The following TENM4 variants were observed in gnomAD, a reference collection of about 807,000 sequenced individuals.
TENM4 encodes the protein teneurin-4.
Under a neutral mutation model 243.3 loss-of-function variants are expected in TENM4, and 82 were observed. The observed-to-expected ratio is 0.34, with a 90% CI of 0.28 to 0.40. TENM4 has a LOEUF of 0.40. Ranked by LOEUF, TENM4 falls within the 10% of genes least tolerant of loss-of-function variation. TENM4 has a pLI of 1.00. For synonymous variants in TENM4, 1,412 were observed against 1,456.3 expected, an observed-to-expected ratio of 0.97 and a Z score of 0.69; for missense variants, 3,138 against 3,673.3, an observed-to-expected ratio of 0.85 and a Z score of 3.77.
intron 19 of TENM4, among the ~76,000 whole-genome samples, chr11:78,743,264 G>A (rs1855973083): frequency 6.6e-6 from 1 of 152,106 alleles, no homozygotes; most frequent in South Asian, 2.1e-4. Flanking sequence ...GAGTGCTGTT[G>A]CTCTGCCAGG....
At chr11:78,880,424 T>C (rs985758936) in intron 9 of TENM4, among the ~76,000 whole-genome samples, 3 of 133,028 alleles carry the variant, frequency 2.3e-5, no homozygotes, top group Non-Finnish European at 4.6e-5. Context: ...CATCCCCCTC[T>C]CTGAGAAACA....
chr11:78,812,689 C>T (rs1028234789), intron 13 of TENM4, among the ~76,000 whole-genome samples: 1 of 152,102 alleles, frequency 6.6e-6, no homozygotes, highest in South Asian at 2.1e-4. Flanking sequence ...CCTCCTCCAG[C>T]GCTCTCCTCT....
chr11:79,015,564 T>A (rs1430300171), intron 6 of TENM4, among the ~76,000 whole-genome samples: 1 of 151,654 alleles, frequency 6.6e-6, no homozygotes, highest in East Asian at 1.9e-4. Flanking sequence ...CAAAACCTAT[T>A]CAATTAAAAC....
At chr11:79,227,776 G>A (rs1179775185) in intron 2 of TENM4, among the ~76,000 whole-genome samples, 1 of 152,212 alleles carries the variant, frequency 6.6e-6, no homozygotes, top group Non-Finnish European at 1.5e-5. Flanking sequence ...TGACACTTCA[G>A]AAAGCTTGGT....
intron 4 of TENM4, among the ~76,000 whole-genome samples, chr11:79,138,418 T>TA (rs1862161787): frequency 8.7e-6 from 1 of 115,200 alleles, no homozygotes. Flanking sequence ...AAAATATATA[T>TA]TATATTATAT....
At chr11:79,341,523 A>G (rs1371744272) in intron 1 of TENM4, among the ~76,000 whole-genome samples, 1 of 152,256 alleles carries the variant, frequency 6.6e-6, no homozygotes, top group African/African-American at 2.4e-5. Flanking sequence ...AAAGTCATAC[A>G]GGTCATGAAC....
intron 4 of TENM4, among the ~76,000 whole-genome samples, chr11:79,137,463 A>T (rs1862131674): frequency 6.6e-6 from 1 of 152,138 alleles, no homozygotes; most frequent in Non-Finnish European, 1.5e-5. Context: ...CAGACCCCTC[A>T]GGAATGAAGG....
chr11:78,878,311 G>A (rs887871107), intron 9 of TENM4, among the ~76,000 whole-genome samples: 26 of 152,252 alleles, frequency 1.7e-4, no homozygotes, highest in African/African-American at 5.3e-4. Flanking sequence ...TAAGTATGAC[G>A]GAAATTTTTT....
At chr11:79,274,698 T>C (rs1394407325) in intron 2 of TENM4, among the ~76,000 whole-genome samples, 1 of 152,114 alleles carries the variant, frequency 6.6e-6, no homozygotes, top group African/African-American at 2.4e-5. Context: ...GAGTCTGTTA[T>C]AAATTGGGGG....
chr11:79,313,794 G>A (rs1385617969), intron 1 of TENM4, among the ~76,000 whole-genome samples: 1 of 152,078 alleles, frequency 6.6e-6, no homozygotes, highest in Non-Finnish European at 1.5e-5. Context: ...GCCCTGCCTC[G>A]GACTCATCTC....
chr11:78,812,849 C>T (rs1463154514), intron 13 of TENM4, among the ~76,000 whole-genome samples: 2 of 152,212 alleles, frequency 1.3e-5, no homozygotes, highest in African/African-American at 4.8e-5. Flanking sequence ...CAGAGCCCAA[C>T]TTGGCTCTTT....
chr11:78,728,963 T>C (rs1038384722), intron 22 of TENM4, among the ~76,000 whole-genome samples: 1 of 151,430 alleles, frequency 6.6e-6, no homozygotes, highest in Non-Finnish European at 1.5e-5. Flanking sequence ...GCATTTTTGA[T>C]GGAGGAAGAA....
At chr11:79,365,739 C>A (rs1396901450) in intron 1 of TENM4, among the ~76,000 whole-genome samples, 1 of 152,048 alleles carries the variant, frequency 6.6e-6, no homozygotes, top group African/African-American at 2.4e-5. Context: ...AGGAGCTAAG[C>A]CCAAGGACAA....
Position 78,738,567 on chromosome 11 carries a change from A to G in TENM4, c.2760T>C (p.His920=), listed in dbSNP as rs1393307591. 1 of 1,613,688 alleles carries G rather than the reference A, an allele frequency of 6.2e-7. No individual in the cohort carries two copies. The highest frequency in any genetic ancestry group is 8.5e-7 in the Non-Finnish European group (1 of 1,179,710). The change falls in exon 20 of 34, where the codon CAT becomes CAC. Residue 920 remains histidine (H), a synonymous_variant. Transcript: ENST00000278550. ...IPGENPFDGG[H]ACVIRGQVMT... is the part of the protein sequence containing the mutation. ...TCACTTGGCCACGAATAACACAAGC[A>G]TGCCTGTGGGAAGAGAAGAGAGAAT...
At chr11:78,871,741 A>AATG (rs1859135023) in intron 9 of TENM4, among the ~76,000 whole-genome samples, 1 of 152,168 alleles carries the variant, frequency 6.6e-6, no homozygotes, top group African/African-American at 2.4e-5. Context: ...AGGTAAGGGG[A>AATG]ATGAACCCAC....
Position 78,702,061 on chromosome 11 carries a change from C to A in TENM4, c.4552G>T (p.Asp1518Tyr). ...GAPSGCDCKNDANCDCFSGDD... is the reference protein window; with the variant it reads ...GAPSGCDCKNYANCDCFSGDD... ...CCAGAAAAACAATCACAGTTGGCATCATTTTTACAGTCACAGCCACTGGGG... is the reference window on the plus strand; with the variant it reads ...CCAGAAAAACAATCACAGTTGGCATAATTTTTACAGTCACAGCCACTGGGG... Residue 1518 changes from aspartate to tyrosine, a missense_variant, in exon 28 of 34, where the codon GAT becomes TAT. Asp to Tyr is a radical substitution (Grantham distance 160). Coordinates refer to ENST00000278550, the MANE Select transcript of TENM4 (RefSeq NM_001098816.3). 6.2e-7 allele frequency: 1 copy of A among 1,613,734 alleles called. No homozygotes were observed. Among genetic ancestry groups the A allele is most frequent in the Non-Finnish European group, 8.5e-7 (1 of 1,179,714 alleles).
At chr11:78,801,961 G>A (rs1196726409) in intron 15 of TENM4, among the ~76,000 whole-genome samples, 2 of 152,200 alleles carry the variant, frequency 1.3e-5, no homozygotes, top group Admixed American at 6.5e-5. Context: ...TCCTCACAGT[G>A]ATTCCATAAA....
intron 1 of TENM4, among the ~76,000 whole-genome samples, chr11:79,385,751 C>T (rs549901): frequency 0.51 from 77,051 of 151,902 alleles, 19,654 homozygotes; most frequent in East Asian, 0.56. Context: ...TGGGAATCCC[C>T]AGAGCTTTTC....
intron 7 of TENM4, among the ~76,000 whole-genome samples, chr11:78,894,011 G>A (rs1855732290): frequency 1.3e-5 from 2 of 152,182 alleles, no homozygotes; most frequent in African/African-American, 4.8e-5. Context: ...GAGTCTAGAG[G>A]AATATGTGGT....
Sources: gnomAD v4.1 joint callset for allele counts (sites outside exome capture counted in the v4.1 genomes callset) on GRCh38, gnomAD v4.1.1 for gene constraint, MANE v1.5 for transcripts, NCBI Gene and HGNC (gene_info 2026-07-23, HGNC 2026-07-21) for gene names.